Variants in SLC7A13 observed in about 807,000 individuals in gnomAD.
SLC7A13 encodes X-amino acid transporter 2.
A neutral mutation model predicts 32.0 loss-of-function variants in SLC7A13; 31 were observed. The ratio of observed to expected loss-of-function variants is 0.97; its 90% confidence interval spans 0.73 to 1.31. The LOEUF (loss-of-function observed/expected upper bound fraction) is 1.31, where lower values mean the gene tolerates loss of function less well. Among genes scored for constraint, SLC7A13 ranks in the 50% most tolerant of loss-of-function variants. The pLI is 0.00. For synonymous variants in SLC7A13, 232 were observed against 206.9 expected, an observed-to-expected ratio of 1.12 and a Z score of -1.04; for missense variants, 633 against 546.9, an observed-to-expected ratio of 1.16 and a Z score of -1.57.
Position 86,229,792 on chromosome 8 carries a change from A to T in SLC7A13, c.486T>A (p.Ala162=). The T allele has an allele frequency of 6.2e-7, 1 of 1,614,240 alleles. No individual in the cohort carries two copies. The highest frequency in any genetic ancestry group is 8.5e-7 in the Non-Finnish European group (1 of 1,180,046). Residue 162 remains alanine (A), a synonymous_variant, in exon 1 of 4, where the codon GCT becomes GCA. Transcript: ENST00000297524. Reference sequence around the variant, plus strand: ...GTATGGACACTTTCAGCACTGAGCTAGCTATCTGAAGCCAAGTCACTTCTT... The same window carrying T: ...GTATGGACACTTTCAGCACTGAGCTTGCTATCTGAAGCCAAGTCACTTCTT... ...GVKEVTWLQI[A]SSVLKVSILS...
At chr8:86,220,465 C>T (rs558237287) in intron 2 of SLC7A13, among the ~76,000 whole-genome samples, 12 of 152,184 alleles carry the variant, frequency 7.9e-5, no homozygotes, top group African/African-American at 2.6e-4. Context: ...AGCTCTGACA[C>T]GGACACAGAC....
At position 86,217,732 on chromosome 8, in the gene SLC7A13, G is replaced by GA; in HGVS notation, c.916dup (p.Ser306PhefsTer4). 1 of 1,613,138 alleles carries GA rather than the reference G, an allele frequency of 6.2e-7. No homozygotes were observed. Among genetic ancestry groups the GA allele is most frequent in the Non-Finnish European group, 8.5e-7 (1 of 1,179,506 alleles). On this transcript the variant is annotated frameshift_variant, in exon 3 of 4. Transcript: ENST00000297524. LOFTEE classifies it high-confidence loss of function. ...TATTGGTCTCGATGATTTAAATATA[G>GA]AAATCAGAAGGTTGCTAAATAATGA...
chr8:86,222,976 A>G lies in SLC7A13; in HGVS notation c.813T>C (p.Ser271=). 1 of 1,600,224 alleles carries G rather than the reference A, an allele frequency of 6.2e-7. No individual in the cohort carries two copies. The highest frequency in any genetic ancestry group is 8.5e-7 in the Non-Finnish European group (1 of 1,174,360). Residue 271 remains serine, a synonymous_variant, in exon 2 of 4, where the codon TCT becomes TCC. Transcript: ENST00000297524. ...LTVLTPREIL[S]SDAVAITWAD... ...TTTAGCCATTTGCATACAAACCTGA[A>G]GAGAGAATTTCCCTGGGTGTCAGAA...
intron 1 of SLC7A13, among the ~76,000 whole-genome samples, chr8:86,224,280 G>A (rs965819546): frequency 6.6e-6 from 1 of 151,924 alleles, no homozygotes; most frequent in South Asian, 2.1e-4. Flanking sequence ...CTTGCCATAG[G>A]GTCTACTCTC....
intron 2 of SLC7A13, among the ~76,000 whole-genome samples, chr8:86,219,044 C>T (rs1049773268): frequency 6.6e-5 from 10 of 152,078 alleles, no homozygotes; most frequent in Non-Finnish European, 1.0e-4. Flanking sequence ...TTTTTTGTAA[C>T]CCTTTTTAAA....
At chr8:86,229,470 G>C (rs561789199) in intron 1 of SLC7A13, 123 bp downstream of exon 1, 1 of 952,436 alleles carries the variant, frequency 1.0e-6, no homozygotes, top group African/African-American at 1.7e-5. Flanking sequence ...ATCTGATTCA[G>C]AAAGTCACAA....
intron 1 of SLC7A13, among the ~76,000 whole-genome samples, chr8:86,226,681 G>T (rs535416514): frequency 1.3e-3 from 200 of 152,156 alleles, no homozygotes; most frequent in Admixed American, 3.7e-3. Context: ...TCAATCCTAT[G>T]TATTTTGTCC....
rs1481833202 is a variant in SLC7A13 at position 86,214,442 on chromosome 8, T to C, written c.1384A>G (p.Ile462Val). 6.2e-7 allele frequency: 1 copy of C among 1,609,752 alleles called. No individual in the cohort carries two copies. Among genetic ancestry groups the C allele is most frequent in the East Asian group, 2.2e-5 (1 of 44,748 alleles). ...TCCTCAGACACATCAGGGAGGCAAA[T>C]ATTAAATAGTAATTGTAAATAGCAA... Reference protein sequence around the residue: ...MTCYLQLLFNICLPDVSEE With the variant: ...MTCYLQLLFNVCLPDVSEE The change falls in exon 4 of 4, where the codon ATT becomes GTT. Residue 462 changes from isoleucine to valine, a missense_variant. Transcript: ENST00000297524.
intron 3 of SLC7A13, chr8:86,215,780 A>T (rs1020962764): frequency 3.0e-6 from 1 of 330,750 alleles, no homozygotes; most frequent in Non-Finnish European, 6.0e-6. Flanking sequence ...GCTCAGTATC[A>T]GTTATCAAAT....
rs532688569 is a variant in SLC7A13 at position 86,223,200 on chromosome 8, G to T, written c.686-97C>A. On this transcript the variant is annotated intron_variant, in intron 1 of 3. Transcript: ENST00000297524. ...ATTTTTGTATTTGTATAAATTAATG[G>T]GGTACAAGCATGATTTTATTATGTG... 6.6e-5 allele frequency: 80 copies of T among 1,217,154 alleles called. No individual in the cohort carries two copies. In the African/African-American group the frequency reaches 9.6e-4, roughly 15 times the overall value. The allele number at this position is 1,217,154 out of a possible 1,614,324, so 75.4% of individuals were successfully genotyped here.
rs1452272766 is a variant in SLC7A13, at chr8:86,230,026, G to C, written c.252C>G (p.Leu84=). ...CAACCGTGGAGCCAAAGTATCTCTT[G>C]AGAAAATAGTATTGAGCTCCACTGC... ...FPCSGAQYYF[L]KRYFGSTVAF... is the part of the protein sequence containing the mutation. Residue 84 remains leucine (L), a synonymous_variant, in exon 1 of 4, where the codon CTC becomes CTG. Coordinates refer to ENST00000297524, the MANE Select transcript of SLC7A13 (RefSeq NM_138817.3). 4 of 1,614,152 alleles carry C rather than the reference G, an allele frequency of 2.5e-6. No homozygotes were observed. Among genetic ancestry groups the C allele is most frequent in the Non-Finnish European group, 3.4e-6 (4 of 1,180,030 alleles).
intron 3 of SLC7A13, 109 bp from the exon 4 acceptor site, chr8:86,214,755 G>T: frequency 1.3e-6 from 1 of 764,920 alleles, no homozygotes. Context: ...AAGAAAACAG[G>T]CTAAATTAGC....
At chr8:86,227,910 A>C (rs1022317828) in intron 1 of SLC7A13, among the ~76,000 whole-genome samples, 1 of 152,200 alleles carries the variant, frequency 6.6e-6, no homozygotes, top group African/African-American at 2.4e-5. Flanking sequence ...TATACAGAGG[A>C]AATTGTGACA....
At chr8:86,225,986 T>C (rs917714278) in intron 1 of SLC7A13, among the ~76,000 whole-genome samples, 1 of 152,122 alleles carries the variant, frequency 6.6e-6, no homozygotes, top group African/African-American at 2.4e-5. Context: ...CAAGTCACTA[T>C]TTTGCAGGTA....
chr8:86,214,689 C>A, intron 3 of SLC7A13, 43 bp from the exon 4 acceptor site: 2 of 1,363,286 alleles, frequency 1.5e-6, no homozygotes, highest in East Asian at 2.4e-5. Flanking sequence ...TATGAACATC[C>A]ATGAATGATA....
At chr8:86,215,900 A>G (rs1820173346) in intron 3 of SLC7A13, among the ~76,000 whole-genome samples, 1 of 152,188 alleles carries the variant, frequency 6.6e-6, no homozygotes, top group Non-Finnish European at 1.5e-5. Context: ...AAGTTGAATA[A>G]TAATATAAGC....
At chr8:86,228,578 G>T (rs1820429317) in intron 1 of SLC7A13, among the ~76,000 whole-genome samples, 1 of 152,040 alleles carries the variant, frequency 6.6e-6, no homozygotes, top group Admixed American at 6.6e-5. Context: ...AGGTGCAGTG[G>T]CTCACGCTTG....
At chr8:86,225,771 C>A (rs929764352) in intron 1 of SLC7A13, among the ~76,000 whole-genome samples, 1 of 151,960 alleles carries the variant, frequency 6.6e-6, no homozygotes, top group Non-Finnish European at 1.5e-5. Context: ...AAAATCCACA[C>A]ACAAAAAAAC....
chr8:86,217,461 C>A lies in SLC7A13; in HGVS notation c.1179+9G>T. The A allele has an allele frequency of 1.3e-6, 2 of 1,519,702 alleles. No individual in the cohort carries two copies. The highest frequency in any genetic ancestry group is 1.4e-5 in the South Asian group (1 of 73,930). The allele number at this position is 1,519,702 out of a possible 1,614,324, so 94.1% of individuals were successfully genotyped here. A position where few individuals can be genotyped will look rare whatever the true frequency, so the allele number is the denominator to read the frequency against. ...TTCACACAGAAAAGAATTAGAAATC[C>A]AATTTTACCTTATAAGGTATAGATA... On this transcript the variant is annotated intron_variant, in intron 3 of 3. Transcript: ENST00000297524.
Sources: gnomAD v4.1 joint callset for allele counts (sites outside exome capture counted in the v4.1 genomes callset) on GRCh38, gnomAD v4.1.1 for gene constraint, MANE v1.5 for transcripts, NCBI Gene and HGNC (gene_info 2026-07-23, HGNC 2026-07-21) for gene names.